The following SLC9A9 variants were observed in gnomAD, a reference collection of about 807,000 sequenced individuals.
SLC9A9 encodes solute carrier family 9 member A9, also known as sodium/hydrogen exchanger 9.
Under a neutral mutation model 77.8 loss-of-function variants are expected in SLC9A9, and 62 were observed. The observed-to-expected ratio is 0.80, with a 90% CI of 0.65 to 0.98. The LOEUF (loss-of-function observed/expected upper bound fraction) is 0.98. Among genes scored for constraint, SLC9A9 ranks in the 50% least tolerant of loss-of-function variants. SLC9A9 has a pLI of 0.00. For missense variants in SLC9A9, 775 were observed against 774.9 expected (o/e 1.00, Z 0.00); for synonymous variants, 320 against 283.5 (o/e 1.13, Z -1.29).
chr3:143,740,552 T>C (rs1935050834), intron 4 of SLC9A9, among the ~76,000 whole-genome samples: 1 of 152,220 alleles, frequency 6.6e-6, no homozygotes, highest in Non-Finnish European at 1.5e-5. Context: ...TAAATGCATA[T>C]TTAATAAAAT....
At chr3:143,423,671 A>G (rs1185349855) in intron 12 of SLC9A9, among the ~76,000 whole-genome samples, 4 of 152,234 alleles carry the variant, frequency 2.6e-5, no homozygotes, top group Non-Finnish European at 5.9e-5. Context: ...ATGACTTGAA[A>G]GTTGATGAGG....
chr3:143,302,950 G>A (rs75828423), intron 14 of SLC9A9, among the ~76,000 whole-genome samples: 6,594 of 152,294 alleles, frequency 0.043, 212 homozygotes, highest in East Asian at 0.16. Flanking sequence ...TTAAGCCCCA[G>A]ACATGCACTT....
At chr3:143,812,632 G>A (rs72993355) in intron 2 of SLC9A9, among the ~76,000 whole-genome samples, 15,049 of 152,112 alleles carry the variant, frequency 0.099, 2,018 homozygotes, top group African/African-American at 0.31. Flanking sequence ...ACTGAATATG[G>A]ACGGAAATAA....
intron 14 of SLC9A9, among the ~76,000 whole-genome samples, chr3:143,290,203 A>G (rs1399071725): frequency 1.3e-5 from 2 of 152,184 alleles, no homozygotes; most frequent in Non-Finnish European, 2.9e-5. Flanking sequence ...GCACCTGTAC[A>G]TACTGTACAT....
Position 143,571,954 on chromosome 3 carries a change from G to A in SLC9A9, c.1000+2134C>T, listed in dbSNP as rs6780680. The stretch of plus-strand genomic sequence containing the variant: ...AGAAAATGCTCACACCTAGAATTTG[G>A]TTTGTAGCAAATGTCTGTTAGGCAC... On this transcript the variant is annotated intron_variant, in intron 8 of 15. Coordinates refer to ENST00000316549, the MANE Select transcript of SLC9A9 (RefSeq NM_173653.4). Among the ~76,000 whole-genome samples, 540 of 152,314 alleles carry A rather than the reference G, an allele frequency of 3.5e-3. 6 individuals are homozygous for A. The highest frequency in any genetic ancestry group is 0.012 in the African/African-American group (506 of 41,584).
Position 143,631,379 on chromosome 3 carries a change from G to T in SLC9A9, c.755+20876C>A, listed in dbSNP as rs542638496. ...CAGAACTGAAGTAGGAACTTGCAGA[G>T]GAGACAACATTTAATTCTTTTTGAT... On this transcript the variant is annotated intron_variant, in intron 6 of 15. Transcript: ENST00000316549. 2.6e-5 allele frequency among the ~76,000 whole-genome samples: 4 copies of T among 152,230 alleles called. No homozygotes were observed. The South Asian group carries it at 8.3e-4, about 32-fold the overall frequency.
At chr3:143,306,052 A>T (rs947674952) in intron 14 of SLC9A9, among the ~76,000 whole-genome samples, 8 of 151,694 alleles carry the variant, frequency 5.3e-5, no homozygotes, top group Admixed American at 2.6e-4. Context: ...ATAAAAATGG[A>T]ATTTCTTTAA....
chr3:143,277,990 C>T (rs530816461), intron 14 of SLC9A9, among the ~76,000 whole-genome samples: 1 of 152,178 alleles, frequency 6.6e-6, no homozygotes, highest in Admixed American at 6.5e-5. Flanking sequence ...ATAAGGGTGG[C>T]AGCTCATCCC....
At chr3:143,598,993 A>T (rs921090373) in intron 6 of SLC9A9, among the ~76,000 whole-genome samples, 3 of 152,202 alleles carry the variant, frequency 2.0e-5, no homozygotes, top group East Asian at 3.9e-4. Context: ...AAATTATGTA[A>T]GTAGAACCCA....
chr3:143,359,566 G>C (rs2032685169), intron 14 of SLC9A9, among the ~76,000 whole-genome samples: 1 of 152,174 alleles, frequency 6.6e-6, no homozygotes, highest in Non-Finnish European at 1.5e-5. Context: ...GGGTGCCTGA[G>C]GAAGGACAGG....
chr3:143,648,945 A>G (rs1424032240), intron 6 of SLC9A9, among the ~76,000 whole-genome samples: 1 of 152,184 alleles, frequency 6.6e-6, no homozygotes, highest in East Asian at 1.9e-4. Context: ...GCGAAGAAAG[A>G]TTCCTGTTCA....
At chr3:143,676,757 C>A (rs963063628) in intron 5 of SLC9A9, among the ~76,000 whole-genome samples, 67 of 149,796 alleles carry the variant, frequency 4.5e-4, no homozygotes, top group Admixed American at 4.4e-3. Flanking sequence ...CAAACAAAAA[C>A]AAACAAAACA....
At chr3:143,602,757 T>C (rs918244448) in intron 6 of SLC9A9, among the ~76,000 whole-genome samples, 3 of 152,238 alleles carry the variant, frequency 2.0e-5, no homozygotes, top group African/African-American at 7.2e-5. Flanking sequence ...GGGATAATGA[T>C]AGCACTTGAC....
intron 1 of SLC9A9, among the ~76,000 whole-genome samples, chr3:143,838,344 G>A (rs1023073358): frequency 2.6e-5 from 4 of 152,178 alleles, no homozygotes; most frequent in East Asian, 1.9e-4. Context: ...AGCAGTTTGC[G>A]ATGGGCACTT....
intron 4 of SLC9A9, among the ~76,000 whole-genome samples, chr3:143,769,050 A>T (rs1199899800): frequency 6.6e-6 from 1 of 152,080 alleles, no homozygotes; most frequent in Non-Finnish European, 1.5e-5. Flanking sequence ...TAGTTTCCTC[A>T]CTTGTATGGG....
chr3:143,432,463 A>C lies in SLC9A9; in HGVS notation c.1469+34574T>G, dbSNP rs141059723. On this transcript the variant is annotated intron_variant, in intron 12 of 15. Transcript: ENST00000316549. Reference sequence around the variant, plus strand: ...CTGCAACACTGATTTCTGAAAAACTATCTCATTACAATCACATTCCTACTT... The same window carrying C: ...CTGCAACACTGATTTCTGAAAAACTCTCTCATTACAATCACATTCCTACTT... Among the ~76,000 whole-genome samples the C allele has an allele frequency of 2.4e-3, 370 of 152,284 alleles. 1 individual carries two copies. Among genetic ancestry groups the C allele is most frequent in the African/African-American group, 8.3e-3 (343 of 41,556 alleles).
chr3:143,441,959 C>G (rs940633669), intron 12 of SLC9A9, among the ~76,000 whole-genome samples: 1 of 152,040 alleles, frequency 6.6e-6, no homozygotes, highest in African/African-American at 2.4e-5. Flanking sequence ...ACCCATCCAT[C>G]CTTCTACCCA....
intron 6 of SLC9A9, among the ~76,000 whole-genome samples, chr3:143,608,451 G>T (rs1235740428): frequency 6.6e-6 from 1 of 152,204 alleles, no homozygotes; most frequent in African/African-American, 2.4e-5. Flanking sequence ...TTGCTAACTT[G>T]CAAGCAACAG....
intron 4 of SLC9A9, among the ~76,000 whole-genome samples, chr3:143,705,788 A>C (rs1209910736): frequency 6.6e-6 from 1 of 152,186 alleles, no homozygotes. Context: ...ATGACCACAC[A>C]TTCAGATTTA....
Sources: gnomAD v4.1 joint callset for allele counts (sites outside exome capture counted in the v4.1 genomes callset) on GRCh38, gnomAD v4.1.1 for gene constraint, MANE v1.5 for transcripts, NCBI Gene and HGNC (gene_info 2026-07-23, HGNC 2026-07-21) for gene names.